TNIK: variants seen among roughly 807,000 people sequenced by gnomAD.
TNIK encodes TRAF2 and NCK-interacting protein kinase.
In TNIK, 49 loss-of-function variants were observed where a neutral mutation model predicts 191.3. That is an observed-to-expected ratio of 0.26 (90% CI 0.20 to 0.32). TNIK has a LOEUF of 0.32. Among genes scored for constraint, TNIK ranks in the 10% least tolerant of loss-of-function variants. The pLI is 1.00. For missense variants in TNIK, 1,155 were observed against 1,702.3 expected (o/e 0.68, Z 5.66); for synonymous variants, 594 against 600.9 (o/e 0.99, Z 0.17).
At chr3:171,212,657 G>C (rs1336951539) in intron 3 of TNIK, among the ~76,000 whole-genome samples, 9 of 152,134 alleles carry the variant, frequency 5.9e-5, no homozygotes, top group Admixed American at 5.9e-4. Context: ...TTATCAGTCG[G>C]TAAGAACCGT....
intron 1 of TNIK, among the ~76,000 whole-genome samples, chr3:171,406,932 G>A (rs1173037315): frequency 6.6e-6 from 1 of 152,250 alleles, no homozygotes; most frequent in Non-Finnish European, 1.5e-5. Flanking sequence ...CTGTGAGACT[G>A]TACCTTGAAG....
At chr3:171,222,565 C>T (rs116112814) in intron 3 of TNIK, among the ~76,000 whole-genome samples, 1 of 152,122 alleles carries the variant, frequency 6.6e-6, no homozygotes. Context: ...ACCAAATGTA[C>T]TTGGAACAAT....
In TNIK at chr3:171,157,537, C is replaced by T. The variant is rs1219099490; in HGVS notation, c.1144G>A (p.Glu382Lys). 1.9e-6 allele frequency: 3 copies of T among 1,568,512 alleles called. No homozygotes were observed. Among genetic ancestry groups the T allele is most frequent in the African/African-American group, 1.4e-5 (1 of 73,818 alleles). ...TCGGCCAGCAGCTGCCGCTTGTGCT[C>T]CTCATTCTCCCGCTGCTGCTGCTCC... is the stretch of plus-strand genomic sequence containing the variant. ...QLEQQQRENE[E>K]HKRQLLAERQ... The change falls in exon 12 of 33, where the codon GAG becomes AAG. Residue 382 changes from glutamate (E) to lysine (K), a missense_variant. By Grantham distance (56) the Glu-to-Lys change is moderately conservative (BLOSUM62 1). Around this residue, in one of 3 missense-constraint regions of TNIK, gnomAD observed 735 missense variants for 848.0 expected, o/e 0.87. Coordinates refer to ENST00000436636, the MANE Select transcript of TNIK (RefSeq NM_015028.4).
chr3:171,214,899 A>C (rs1028233683), intron 3 of TNIK, among the ~76,000 whole-genome samples: 6 of 152,156 alleles, frequency 3.9e-5, no homozygotes, highest in African/African-American at 7.2e-5. Context: ...AAAGAAGATA[A>C]TATTATTTCT....
intron 1 of TNIK, among the ~76,000 whole-genome samples, chr3:171,372,207 C>A (rs1324794976): frequency 1.3e-5 from 2 of 152,204 alleles, no homozygotes; most frequent in Non-Finnish European, 2.9e-5. Context: ...CCCAACCAAT[C>A]AAAACCAAGG....
At chr3:171,158,996 G>T (rs1357360076) in intron 11 of TNIK, among the ~76,000 whole-genome samples, 2 of 152,156 alleles carry the variant, frequency 1.3e-5, no homozygotes, top group Non-Finnish European at 2.9e-5. Context: ...AGGGAGAAGG[G>T]TATGAGAGGA....
chr3:171,347,310 G>T, intron 2 of TNIK: 1 of 1,381,232 alleles, frequency 7.2e-7, no homozygotes, highest in Non-Finnish European at 9.8e-7. Flanking sequence ...TGACAGCCAA[G>T]CTAGTTCTAA....
At chr3:171,079,932 A>G (rs1720451312) in intron 27 of TNIK, among the ~76,000 whole-genome samples, 1 of 152,184 alleles carries the variant, frequency 6.6e-6, no homozygotes, top group Non-Finnish European at 1.5e-5. Flanking sequence ...TCTCTTCCCA[A>G]TGCAAAGCAG....
At chr3:171,243,039 T>A (rs949624502) in intron 2 of TNIK, among the ~76,000 whole-genome samples, 1 of 152,200 alleles carries the variant, frequency 6.6e-6, no homozygotes, top group Admixed American at 6.5e-5. Context: ...CAGTTTTCAA[T>A]TTTTCAATAA....
At chr3:171,222,437 G>A (rs1364325153) in intron 3 of TNIK, among the ~76,000 whole-genome samples, 1 of 152,108 alleles carries the variant, frequency 6.6e-6, no homozygotes, top group Non-Finnish European at 1.5e-5. Context: ...CTTGGGACAT[G>A]ATAAACAATC....
intron 3 of TNIK, among the ~76,000 whole-genome samples, chr3:171,223,241 G>A (rs578029429): frequency 2.7e-3 from 412 of 152,172 alleles, no homozygotes; most frequent in Non-Finnish European, 4.9e-3. Context: ...TGTCCTCCTG[G>A]GCTTCCTCAG....
At chr3:171,442,718 C>T (rs1410275859) in intron 1 of TNIK, among the ~76,000 whole-genome samples, 1 of 152,118 alleles carries the variant, frequency 6.6e-6, no homozygotes, top group Non-Finnish European at 1.5e-5. Flanking sequence ...GGTTTAGGTA[C>T]CCAGCTGGTC....
At chr3:171,335,199 GTT>G (rs1164085007) in intron 2 of TNIK, among the ~76,000 whole-genome samples, 1 of 152,014 alleles carries the variant, frequency 6.6e-6, no homozygotes, top group African/African-American at 2.4e-5. Flanking sequence ...CTGGTAGACT[GTT>G]TGCGTGCAAG....
In TNIK at chr3:171,138,177, C is replaced by G. The variant is rs2108623426; in HGVS notation, c.1608+14G>C. ...AGCCTGGCCAACAGGGTGAGGCTAC[C>G]CTTGCTTACTTACCTCCTTGGCCCA... On this transcript the variant is annotated intron_variant, in intron 15 of 32. Transcript: ENST00000436636. The G allele has an allele frequency of 6.4e-7, 1 of 1,570,282 alleles. No homozygotes were observed. Among genetic ancestry groups the G allele is most frequent in the South Asian group, 1.2e-5 (1 of 82,980 alleles).
intron 2 of TNIK, among the ~76,000 whole-genome samples, chr3:171,280,831 A>G (rs754554327): frequency 7.2e-5 from 11 of 152,168 alleles, no homozygotes; most frequent in Admixed American, 4.6e-4. Context: ...CTAATACTTT[A>G]TTACTGATAA....
At chr3:171,403,611 C>CAAAAAAA (rs57982642) in intron 1 of TNIK, among the ~76,000 whole-genome samples, 45 of 100,144 alleles carry the variant, frequency 4.5e-4, no homozygotes, top group African/African-American at 8.3e-4. Flanking sequence ...GACTCCGTAT[C>CAAAAAAA]AAAAAAAAAA....
At chr3:171,232,419 G>A (rs528359608) in intron 2 of TNIK, among the ~76,000 whole-genome samples, 19 of 151,644 alleles carry the variant, frequency 1.3e-4, no homozygotes, top group African/African-American at 4.3e-4. Flanking sequence ...GGAGATAAAA[G>A]AGTTTAAAAA....
chr3:171,081,944 A>G (rs115883071), intron 27 of TNIK, among the ~76,000 whole-genome samples: 4,846 of 152,276 alleles, frequency 0.032, 104 homozygotes, highest in Middle Eastern at 0.085. Context: ...TAATAACTGG[A>G]GTGCAGAAAC....
At chr3:171,213,946 A>T (rs988489674) in intron 3 of TNIK, among the ~76,000 whole-genome samples, 4 of 152,190 alleles carry the variant, frequency 2.6e-5, no homozygotes, top group African/African-American at 9.7e-5. Flanking sequence ...TGTTATTACT[A>T]ATCTACATAA....
Sources: gnomAD v4.1 joint callset for allele counts (sites outside exome capture counted in the v4.1 genomes callset) on GRCh38, gnomAD v4.1.1 for gene constraint, gnomAD v4.1.1 regional missense constraint, MANE v1.5 for transcripts, NCBI Gene and HGNC (gene_info 2026-07-23, HGNC 2026-07-21) for gene names.